Variants in CPA6 observed in about 807,000 individuals in gnomAD.
CPA6 encodes the protein carboxypeptidase B.
In CPA6, 58 loss-of-function variants were observed where a neutral mutation model predicts 63.3. The observed-to-expected ratio is 0.92, with a 90% CI of 0.74 to 1.14. The LOEUF (loss-of-function observed/expected upper bound fraction) is 1.14. Among genes scored for constraint, CPA6 ranks in the 50% most tolerant of loss-of-function variants. The pLI, the probability that CPA6 is intolerant of heterozygous loss-of-function variation, is 0.00. For missense variants in CPA6, 565 were observed against 526.6 expected (o/e 1.07, Z -0.71); for synonymous variants, 185 against 179.0 (o/e 1.03, Z -0.27).
rs1817424552 is a variant in CPA6, at chr8:67,718,426, C to CTCAT, written c.116+27584_116+27587dup. Among the ~76,000 whole-genome samples the CTCAT allele has an allele frequency of 2.0e-5, 3 of 152,068 alleles. No homozygotes were observed. In the East Asian group the frequency reaches 5.8e-4, roughly 29 times the overall value. ...AATCTTTCAGGTCTATGCCTGTTGC[C>CTCAT]TCATTCACCTAGGCTAGGACCATGG... is the stretch of plus-strand genomic sequence containing the variant. On this transcript the variant is annotated intron_variant, in intron 1 of 10. Coordinates refer to ENST00000297770, the MANE Select transcript of CPA6 (RefSeq NM_020361.5).
intron 1 of CPA6, among the ~76,000 whole-genome samples, chr8:67,693,836 ACTACT>A (rs1486440170): frequency 6.6e-6 from 1 of 152,228 alleles, no homozygotes; most frequent in Non-Finnish European, 1.5e-5. Context: ...AGAAGTAGCA[ACTACT>A]CTAGACTTAC....
At chr8:67,671,294 G>A (rs1440007617) in intron 1 of CPA6, among the ~76,000 whole-genome samples, 3 of 152,112 alleles carry the variant, frequency 2.0e-5, no homozygotes, top group African/African-American at 7.2e-5. Context: ...CTGCAGCTGT[G>A]GTACCACCTC....
chr8:67,568,713 A>G (rs1002937904), intron 2 of CPA6, among the ~76,000 whole-genome samples: 3 of 152,206 alleles, frequency 2.0e-5, no homozygotes, highest in African/African-American at 7.2e-5. Flanking sequence ...GCATTCAAGA[A>G]ACAGAAGAAA....
chr8:67,571,675 G>A lies in CPA6; in HGVS notation c.192+52501C>T, dbSNP rs144690297. ...ATGGAAACATAGCATACCAAAACTTGTGTAATGCAGCAAAAGCAGTTGTAA... is the reference window on the plus strand; with the variant it reads ...ATGGAAACATAGCATACCAAAACTTATGTAATGCAGCAAAAGCAGTTGTAA... On this transcript the variant is annotated intron_variant, in intron 2 of 10. Coordinates refer to ENST00000297770, the MANE Select transcript of CPA6 (RefSeq NM_020361.5). 6.5e-3 allele frequency among the ~76,000 whole-genome samples: 992 copies of A among 152,206 alleles called. 14 individuals carry two copies. The highest frequency in any genetic ancestry group is 0.023 in the African/African-American group (950 of 41,542).
At chr8:67,652,797 G>C (rs1484099156) in intron 1 of CPA6, among the ~76,000 whole-genome samples, 7 of 152,136 alleles carry the variant, frequency 4.6e-5, no homozygotes, top group South Asian at 2.1e-4. Context: ...TGGTATTTTA[G>C]ACATGAAGTC....
chr8:67,564,326 TG>T (rs1813285889), intron 2 of CPA6, among the ~76,000 whole-genome samples: 1 of 152,160 alleles, frequency 6.6e-6, no homozygotes, highest in Non-Finnish European at 1.5e-5. Context: ...AAGCTTTTTT[TG>T]TTTGTTTGTT....
chr8:67,629,293 C>G (rs1384581410), intron 1 of CPA6, among the ~76,000 whole-genome samples: 3 of 151,330 alleles, frequency 2.0e-5, no homozygotes, highest in Non-Finnish European at 2.9e-5. Context: ...ATAGTGAGAC[C>G]CTGTCTCCGC....
intron 1 of CPA6, among the ~76,000 whole-genome samples, chr8:67,692,685 C>T (rs1816837138): frequency 6.6e-6 from 1 of 152,148 alleles, no homozygotes; most frequent in South Asian, 2.1e-4. Flanking sequence ...AAGTGCTGCC[C>T]TTTAACTGCT....
At chr8:67,644,915 C>G (rs1343809684) in intron 1 of CPA6, among the ~76,000 whole-genome samples, 1 of 152,174 alleles carries the variant, frequency 6.6e-6, no homozygotes, top group Non-Finnish European at 1.5e-5. Context: ...CATACATACT[C>G]TTGCCTAAAA....
At chr8:67,713,043 A>G (rs1030560830) in intron 1 of CPA6, among the ~76,000 whole-genome samples, 2 of 145,654 alleles carry the variant, frequency 1.4e-5, no homozygotes, top group Non-Finnish European at 3.0e-5. Context: ...TTTCTAATGT[A>G]CACATTAAAC....
At position 67,736,638 on chromosome 8, in the gene CPA6, T is replaced by A. The variant is rs528549377; in HGVS notation, c.116+9376A>T. On this transcript the variant is annotated intron_variant, in intron 1 of 10. Transcript: ENST00000297770. ...CTGCTCTATTGAGTCTTTGGCCCTC[T>A]TTTCATGTAATGAGTTCTTCCAGGG... Among the ~76,000 whole-genome samples, 3 of 152,318 alleles carry A rather than the reference T, an allele frequency of 2.0e-5. No homozygotes were observed. In the South Asian group the frequency reaches 6.2e-4, roughly 32 times the overall value.
chr8:67,501,006 C>T (rs921848321), intron 6 of CPA6, among the ~76,000 whole-genome samples: 1 of 152,036 alleles, frequency 6.6e-6, no homozygotes, highest in Admixed American at 6.6e-5. Context: ...AATCCTCCCT[C>T]CCTTTTCATT....
intron 8 of CPA6, among the ~76,000 whole-genome samples, chr8:67,443,367 T>C (rs1026439463): frequency 6.6e-6 from 1 of 152,128 alleles, no homozygotes; most frequent in African/African-American, 2.4e-5. Context: ...GGCCCTGTCC[T>C]GCCTATTCTT....
chr8:67,605,773 G>A (rs760418245), intron 2 of CPA6, among the ~76,000 whole-genome samples: 3 of 152,096 alleles, frequency 2.0e-5, no homozygotes, highest in Non-Finnish European at 4.4e-5. Context: ...CCTCGTTTCT[G>A]AGGCAAATAT....
At chr8:67,503,802 G>C (rs572003628) in intron 6 of CPA6, among the ~76,000 whole-genome samples, 1 of 151,994 alleles carries the variant, frequency 6.6e-6, no homozygotes, top group African/African-American at 2.4e-5. Context: ...TTGTTACATA[G>C]GTTTACATGT....
intron 1 of CPA6, among the ~76,000 whole-genome samples, chr8:67,709,506 A>C (rs1373216914): frequency 6.6e-6 from 1 of 152,174 alleles, no homozygotes; most frequent in Non-Finnish European, 1.5e-5. Flanking sequence ...TAAATAAAGG[A>C]GGGCCTTTCT....
intron 8 of CPA6, among the ~76,000 whole-genome samples, chr8:67,444,771 C>CA (rs200276914): frequency 0.26 from 24,186 of 93,998 alleles, 2,235 homozygotes; most frequent in East Asian, 0.33. Context: ...GACTCTGTCT[C>CA]AAAAAAAAAA....
At chr8:67,593,505 A>C (rs1814198109) in intron 2 of CPA6, among the ~76,000 whole-genome samples, 1 of 152,026 alleles carries the variant, frequency 6.6e-6, no homozygotes, top group African/African-American at 2.4e-5. Flanking sequence ...TCCCATTATT[A>C]TTGTGTGGGA....
At chr8:67,703,257 C>G (rs987208895) in intron 1 of CPA6, among the ~76,000 whole-genome samples, 8 of 152,184 alleles carry the variant, frequency 5.3e-5, no homozygotes, top group African/African-American at 1.9e-4. Flanking sequence ...TCTGCTCCCC[C>G]AAAGCTGATC....
Sources: gnomAD v4.1 joint callset for allele counts (sites outside exome capture counted in the v4.1 genomes callset) on GRCh38, gnomAD v4.1.1 for gene constraint, MANE v1.5 for transcripts, NCBI Gene and HGNC (gene_info 2026-07-23, HGNC 2026-07-21) for gene names.